The following CIAO3 variants were observed in gnomAD, a reference collection of about 807,000 sequenced individuals.
CIAO3 encodes LET1 like/JFP15.
A neutral mutation model predicts 51.5 loss-of-function variants in CIAO3; 45 were observed. The observed-to-expected ratio is 0.87, with a 90% CI of 0.69 to 1.12. The LOEUF (loss-of-function observed/expected upper bound fraction) is 1.12, where lower values mean the gene tolerates loss of function less well. CIAO3 is among the 50% of genes most tolerant of loss of function. CIAO3 has a pLI of 0.00. For synonymous variants in CIAO3, 314 were observed against 269.3 expected, an observed-to-expected ratio of 1.17 and a Z score of -1.63; for missense variants, 668 against 632.5, an observed-to-expected ratio of 1.06 and a Z score of -0.60.
Position 730,527 on chromosome 16 carries a change from G to A in CIAO3, c.1321C>T (p.Leu441=). The change falls in exon 11 of 11, where the codon CTG becomes TTG. Residue 441 remains leucine (L), a synonymous_variant. Coordinates refer to ENST00000251588, the MANE Select transcript of CIAO3 (RefSeq NM_022493.3). ...APEDAPGVQE[L]YTHWLQGTDS... ...GTGCCCTGCAGCCAGTGTGTGTACA[G>A]CTCCTGAACCCCAGGCGCGTCCTCG... 1.2e-6 allele frequency: 2 copies of A among 1,610,824 alleles called. No individual in the cohort carries two copies. Among genetic ancestry groups the A allele is most frequent in the South Asian group, 2.2e-5 (2 of 91,090 alleles).
chr16:730,335 G>C lies in CIAO3; in HGVS notation c.*82C>G, dbSNP rs2041259440. 3 of 1,391,504 alleles carry C rather than the reference G, an allele frequency of 2.2e-6. No individual in the cohort carries two copies. Among genetic ancestry groups the C allele is most frequent in the Admixed American group, 1.8e-5 (1 of 56,694 alleles). The allele number at this position is 1,391,504 out of a possible 1,614,324, so 86.2% of individuals were successfully genotyped here. A position where few individuals can be genotyped will look rare whatever the true frequency, so the allele number is the denominator to read the frequency against. ...ACCCTGCAGCTCACTCAGAATTTTGGGGGAAGCCCTGGGGTCTTGGGGCAT... is the reference window on the plus strand; with the variant it reads ...ACCCTGCAGCTCACTCAGAATTTTGCGGGAAGCCCTGGGGTCTTGGGGCAT... On this transcript the variant is annotated 3_prime_UTR_variant, in exon 11 of 11. Coordinates refer to ENST00000251588, the MANE Select transcript of CIAO3 (RefSeq NM_022493.3).
intron 9 of CIAO3, 109 bp from the exon 10 acceptor site, chr16:731,109 C>T: frequency 7.5e-7 from 1 of 1,338,750 alleles, no homozygotes; most frequent in African/African-American, 1.5e-5. Flanking sequence ...CCTCCCAGGG[C>T]TCTCTCCCTC....
In CIAO3 at chr16:736,325, C is replaced by G. The variant is rs765617559; in HGVS notation, c.380G>C (p.Arg127Pro). The G allele has an allele frequency of 1.2e-6, 2 of 1,613,034 alleles. No homozygotes were observed. The highest frequency in any genetic ancestry group is 1.3e-5 in the African/African-American group (1 of 75,012). Residue 127 changes from arginine (R) to proline (P), a missense_variant, in exon 4 of 11, where the codon CGG becomes CCG. Physicochemically the swap from Arg to Pro is moderately radical, Grantham distance 103 (BLOSUM62 -2). Transcript: ENST00000251588. ...AGTATCTGTAGGATTCAGCTGAAAC[C>G]GTGCAGCCAGCGATGCTCTAGACTG... ...SPQSRASLAA[R>P]FQLNPTDTAR...
At position 734,016 on chromosome 16, in the gene CIAO3, T is replaced by C; in HGVS notation, c.693+213A>G. ...CCTCAGCCTCAGGCCTGGCTGCCTC[T>C]GGGTGAGCAGTGAGCACCTCTGGAT... On this transcript the variant is annotated intron_variant, in intron 6 of 10. Coordinates refer to ENST00000251588, the MANE Select transcript of CIAO3 (RefSeq NM_022493.3). 5.5e-6 allele frequency: 3 copies of C among 546,808 alleles called. No homozygotes were observed. The South Asian group carries it at 5.9e-5, about 11-fold the overall frequency. The allele number at this position is 546,808 out of a possible 1,614,324, so 33.9% of individuals were successfully genotyped here.
chr16:738,007 A>T, intron 2 of CIAO3: 1 of 1,146,318 alleles, frequency 8.7e-7, no homozygotes, highest in African/African-American at 1.6e-5. Context: ...GAGTAAGGCG[A>T]CTGGGTGGGA....
chr16:740,182 C>A (rs1240218179), intron 1 of CIAO3: 3 of 1,180,592 alleles, frequency 2.5e-6, no homozygotes, highest in Admixed American at 2.3e-5. Flanking sequence ...CCCTGGCAGC[C>A]CAGAAAGCCG....
In CIAO3 at chr16:734,949, T is replaced by C. The variant is rs983390118; in HGVS notation, c.440-78A>G. On this transcript the variant is annotated intron_variant, in intron 4 of 10. Transcript: ENST00000251588. ...GCACACGCCGGCGTGTGGACCACCATGGTGCTGCCAGGGCACGTGTGTCGC... is the reference window on the plus strand; with the variant it reads ...GCACACGCCGGCGTGTGGACCACCACGGTGCTGCCAGGGCACGTGTGTCGC... The C allele has an allele frequency of 1.4e-5, 21 of 1,458,464 alleles. No homozygotes were observed. In the East Asian group the frequency reaches 2.4e-4, roughly 17 times the overall value. 90.3% of individuals were successfully genotyped at this position (1,458,464 alleles called of 1,614,324 possible).
chr16:734,940 G>GCTC, intron 4 of CIAO3, 69 bp from the exon 5 acceptor site: 1 of 1,470,232 alleles, frequency 6.8e-7, no homozygotes, highest in Non-Finnish European at 9.0e-7. Context: ...GCCGGCGTGT[G>GCTC]GACCACCATG....
In CIAO3 at chr16:739,934, T is replaced by G. The variant is rs1276115715; in HGVS notation, c.67-196A>C. On this transcript the variant is annotated intron_variant, in intron 1 of 10. Coordinates refer to ENST00000251588, the MANE Select transcript of CIAO3 (RefSeq NM_022493.3). ...CCCAGGGATCGGGTTCCCAACATCC[T>G]GCGGCACTGAAGTTCCCAGTGTGCA... is the stretch of plus-strand genomic sequence containing the variant. 13 of 1,382,992 alleles carry G rather than the reference T, an allele frequency of 9.4e-6. No homozygotes were observed. In the African/African-American group the frequency reaches 1.4e-4, roughly 15 times the overall value. The allele number at this position is 1,382,992 out of a possible 1,614,324, so 85.7% of individuals were successfully genotyped here.
At chr16:733,543 C>T in intron 6 of CIAO3, 116 bp from the exon 7 acceptor site, 1 of 1,475,646 alleles carries the variant, frequency 6.8e-7, no homozygotes, top group South Asian at 1.3e-5. Context: ...GTGAGCCTCA[C>T]TCCATTTCCC....
In CIAO3 at chr16:737,668, T is replaced by C. The variant is rs370078360; in HGVS notation, c.163-339A>G. The C allele has an allele frequency of 1.8e-5, 24 of 1,326,040 alleles. No individual in the cohort carries two copies. The East Asian group carries it at 2.4e-4, about 13-fold the overall frequency. 82.1% of individuals were successfully genotyped at this position (1,326,040 alleles called of 1,614,324 possible). A position where few individuals can be genotyped will look rare whatever the true frequency, so the allele number is the denominator to read the frequency against. ...GCCCCGGTGCACACTCACAGGGCTGTAGGGCAGGAAAATGCCGAAGGTGGG... is the reference window on the plus strand; with the variant it reads ...GCCCCGGTGCACACTCACAGGGCTGCAGGGCAGGAAAATGCCGAAGGTGGG... On this transcript the variant is annotated intron_variant, in intron 2 of 10. Transcript: ENST00000251588. This position sits in a 1 kb window ranked among gnomAD's most constrained non-coding sequence, Gnocchi z 5.3.
chr16:733,601 C>A, intron 6 of CIAO3, 174 bp from the exon 7 acceptor site: 2 of 937,102 alleles, frequency 2.1e-6, no homozygotes, highest in Non-Finnish European at 3.1e-6. Context: ...ACAGGACGGG[C>A]CCTGGCTGTG....
Position 730,584 on chromosome 16 carries a change from T to C in CIAO3, c.1264A>G (p.Arg422Gly), listed in dbSNP as rs1438423362. 3 of 1,610,848 alleles carry C rather than the reference T, an allele frequency of 1.9e-6. No homozygotes were observed. The African/African-American group carries it at 4.0e-5, about 21-fold the overall frequency. Residue 422 changes from arginine (R) to glycine (G), a missense_variant, in exon 11 of 11, where the codon AGA (arginine) becomes GGA (glycine). Coordinates refer to ENST00000251588, the MANE Select transcript of CIAO3 (RefSeq NM_022493.3). Reference protein sequence around the residue: ...PSRELLQHVERLYGMVRAEAP... With the variant: ...PSRELLQHVEGLYGMVRAEAP... ...TCAGCCCGGACCATGCCGTACAGTC[T>C]CTCCACGTGCTGGAGGAGCTCTCTG... is the stretch of plus-strand genomic sequence containing the variant.
At chr16:734,513 G>A (rs2041318238) in intron 5 of CIAO3, 166 bp from the exon 6 acceptor site, 3 of 886,648 alleles carry the variant, frequency 3.4e-6, no homozygotes, top group Non-Finnish European at 5.4e-6. Context: ...AGCTCGGCGT[G>A]CAGGCGACAC....
intron 1 of CIAO3, chr16:740,626 C>A (rs2041380915): frequency 6.1e-6 from 3 of 493,620 alleles, no homozygotes; most frequent in Non-Finnish European, 3.6e-6. Context: ...GTTGGGCAGG[C>A]CGGCGCGAGC....
intron 6 of CIAO3, chr16:734,022 A>G: frequency 1.8e-6 from 1 of 557,028 alleles, no homozygotes. Flanking sequence ...CCTCTGGGTG[A>G]GCAGTGAGCA....
intron 1 of CIAO3, chr16:740,004 G>A (rs1234005234): frequency 2.7e-6 from 4 of 1,465,932 alleles, no homozygotes; most frequent in Non-Finnish European, 3.6e-6. Flanking sequence ...CACCTGCGGA[G>A]ACACCACCAA....
rs778351154 is a variant in CIAO3 at position 737,982 on chromosome 16, G to A, written c.163-653C>T. 45 of 1,160,202 alleles carry A rather than the reference G, an allele frequency of 3.9e-5. No homozygotes were observed. The East Asian group carries it at 5.9e-4, about 15-fold the overall frequency. The allele number at this position is 1,160,202 out of a possible 1,614,324, so 71.9% of individuals were successfully genotyped here. On this transcript the variant is annotated intron_variant, in intron 2 of 10. Coordinates refer to ENST00000251588, the MANE Select transcript of CIAO3 (RefSeq NM_022493.3). The surrounding 1 kb of genome is among the most constrained non-coding windows in gnomAD (Gnocchi z 5.3). Reference sequence around the variant, plus strand: ...AGGGCCAGGGGTGCTGCAGTGGCCCGGAATACAGCCAGAGGAGTAAGGCGA... The same window carrying A: ...AGGGCCAGGGGTGCTGCAGTGGCCCAGAATACAGCCAGAGGAGTAAGGCGA...
chr16:737,780 G>C lies in CIAO3; in HGVS notation c.163-451C>G. The C allele has an allele frequency of 8.2e-7, 1 of 1,216,252 alleles. No homozygotes were observed. Among genetic ancestry groups the C allele is most frequent in the Non-Finnish European group, 1.0e-6 (1 of 953,728 alleles). The allele number at this position is 1,216,252 out of a possible 1,614,324, so 75.3% of individuals were successfully genotyped here. On this transcript the variant is annotated intron_variant, in intron 2 of 10. Transcript: ENST00000251588. This position sits in a 1 kb window ranked among gnomAD's most constrained non-coding sequence, Gnocchi z 5.3. ...AGGAGAGCAGAGGGAGGAAGCCTGGGAGCCTGGCCTCCGGTGGGCGGGGCA... is the reference window on the plus strand; with the variant it reads ...AGGAGAGCAGAGGGAGGAAGCCTGGCAGCCTGGCCTCCGGTGGGCGGGGCA...
Sources: allele counts gnomAD v4.1 joint callset, GRCh38; gene constraint gnomAD v4.1.1; non-coding constraint Gnocchi (gnomAD v3.1); transcripts MANE v1.5; gene names NCBI Gene and HGNC (gene_info 2026-07-23, HGNC 2026-07-21).